ANKRD55: variants seen among roughly 807,000 people sequenced by gnomAD.
The protein encoded by ANKRD55 is ankyrin repeat domain 55.
In ANKRD55, 41 loss-of-function variants were observed where a neutral mutation model predicts 60.6. The observed-to-expected ratio is 0.68, with a 90% CI of 0.53 to 0.88. The LOEUF is 0.88. Among genes scored for constraint, ANKRD55 ranks in the 40% least tolerant of loss-of-function variants. The pLI is 0.00. For missense variants in ANKRD55, 732 were observed against 767.6 expected (o/e 0.95, Z 0.55); for synonymous variants, 264 against 290.3 (o/e 0.91, Z 0.92).
chr5:56,190,822 C>T (rs1759077555), intron 2 of ANKRD55, among the ~76,000 whole-genome samples: 1 of 152,298 alleles, frequency 6.6e-6, no homozygotes, highest in South Asian at 2.1e-4. Flanking sequence ...ATCTAACTCA[C>T]TCCTAATATA....
chr5:56,137,315 C>T (rs1757632829), intron 7 of ANKRD55: 1 of 1,549,922 alleles, frequency 6.5e-7, no homozygotes, highest in African/African-American at 1.4e-5. Flanking sequence ...ATTATCTGGT[C>T]ATTGAGCATA....
At chr5:56,132,926 G>C (rs1050831373) in intron 7 of ANKRD55, among the ~76,000 whole-genome samples, 1 of 152,188 alleles carries the variant, frequency 6.6e-6, no homozygotes, top group African/African-American at 2.4e-5. Flanking sequence ...TAGGGATAAA[G>C]AAGGGTATTA....
chr5:56,177,316 C>G (rs986513621), intron 3 of ANKRD55, among the ~76,000 whole-genome samples: 1 of 152,204 alleles, frequency 6.6e-6, no homozygotes, highest in Middle Eastern at 3.4e-3. Context: ...CAATGAAGTG[C>G]TATGTCTTAA....
chr5:56,208,707 G>A (rs1284822348), intron 2 of ANKRD55, among the ~76,000 whole-genome samples: 1 of 152,150 alleles, frequency 6.6e-6, no homozygotes, highest in Non-Finnish European at 1.5e-5. Context: ...ACAGGCGTGA[G>A]CCACCGCGCC....
intron 2 of ANKRD55, among the ~76,000 whole-genome samples, chr5:56,184,740 A>G (rs1334070555): frequency 6.6e-6 from 1 of 151,982 alleles, no homozygotes; most frequent in Non-Finnish European, 1.5e-5. Flanking sequence ...TCTACAAAAA[A>G]TTTAAAAATT....
intron 6 of ANKRD55, among the ~76,000 whole-genome samples, chr5:56,145,744 G>C (rs62362364): frequency 0.17 from 25,832 of 152,110 alleles, 2,433 homozygotes; most frequent in South Asian, 0.24. Context: ...CCTTCAACCA[G>C]TTCCATATTT....
At chr5:56,103,834 A>C (rs943037207) in intron 10 of ANKRD55, among the ~76,000 whole-genome samples, 2 of 152,228 alleles carry the variant, frequency 1.3e-5, no homozygotes, top group Non-Finnish European at 2.9e-5. Flanking sequence ...AAATAGCATA[A>C]GAAAAAAAGA....
At chr5:56,222,846 G>C (rs1231473451) in intron 2 of ANKRD55, among the ~76,000 whole-genome samples, 1 of 152,194 alleles carries the variant, frequency 6.6e-6, no homozygotes, top group Admixed American at 6.5e-5. Context: ...AGAAATATGG[G>C]ACTATGTGAA....
At chr5:56,102,445 G>C (rs904267374) in intron 11 of ANKRD55, 49 bp downstream of exon 11, 16 of 1,284,244 alleles carry the variant, frequency 1.2e-5, no homozygotes, top group Middle Eastern at 1.9e-4. Flanking sequence ...GTTGTGTCTA[G>C]ATATGTTAAC....
intron 6 of ANKRD55, among the ~76,000 whole-genome samples, chr5:56,149,111 T>C (rs1455613834): frequency 6.6e-6 from 1 of 152,228 alleles, no homozygotes; most frequent in Non-Finnish European, 1.5e-5. Flanking sequence ...AGTACAGTAA[T>C]GAAAGCCATT....
chr5:56,219,757 T>C (rs1420593309), intron 2 of ANKRD55, among the ~76,000 whole-genome samples: 3 of 152,224 alleles, frequency 2.0e-5, no homozygotes, highest in African/African-American at 7.2e-5. Flanking sequence ...AGTGCATCCA[T>C]ACCCTCACCT....
chr5:56,101,406 G>T (rs1029228328), intron 11 of ANKRD55, among the ~76,000 whole-genome samples: 5 of 145,340 alleles, frequency 3.4e-5, no homozygotes, highest in African/African-American at 1.2e-4. Flanking sequence ...CTGTGTGTGT[G>T]TGTGTTTGTC....
At chr5:56,140,603 G>A (rs1757735434) in intron 7 of ANKRD55, among the ~76,000 whole-genome samples, 1 of 152,200 alleles carries the variant, frequency 6.6e-6, no homozygotes, top group Non-Finnish European at 1.5e-5. Flanking sequence ...TAGTGATTGA[G>A]TAAATAAATG....
At chr5:56,226,156 A>G (rs1581034127) in intron 2 of ANKRD55, among the ~76,000 whole-genome samples, 1 of 152,212 alleles carries the variant, frequency 6.6e-6, no homozygotes, top group Non-Finnish European at 1.5e-5. Context: ...AGAACAGAAC[A>G]GAGCCCTCAG....
At chr5:56,198,092 A>T (rs757461272) in intron 2 of ANKRD55, among the ~76,000 whole-genome samples, 25 of 152,116 alleles carry the variant, frequency 1.6e-4, no homozygotes, top group Non-Finnish European at 3.4e-4. Context: ...TTACTCTTAA[A>T]TGCTGCCTTC....
chr5:56,217,632 T>C lies in ANKRD55; in HGVS notation c.58+15224A>G, dbSNP rs113243936. 7.1e-3 allele frequency among the ~76,000 whole-genome samples: 1,088 copies of C among 152,278 alleles called. 7 individuals carry two copies. Among genetic ancestry groups the C allele is most frequent in the Non-Finnish European group, 0.011 (778 of 68,016 alleles). On this transcript the variant is annotated intron_variant, in intron 2 of 11. Transcript: ENST00000341048. Reference sequence around the variant, plus strand: ...AAAAACATTCATGATTCGTGGCTCATGCCTGTAATCCCAGCACTTTGGGAG... The same window carrying C: ...AAAAACATTCATGATTCGTGGCTCACGCCTGTAATCCCAGCACTTTGGGAG...
chr5:56,150,565 C>T (rs1333553958), intron 6 of ANKRD55, among the ~76,000 whole-genome samples: 3 of 152,058 alleles, frequency 2.0e-5, no homozygotes, highest in Admixed American at 6.6e-5. Flanking sequence ...GATTGCACCA[C>T]TGCACTCTGG....
At chr5:56,213,826 T>C (rs1759738546) in intron 2 of ANKRD55, among the ~76,000 whole-genome samples, 1 of 152,236 alleles carries the variant, frequency 6.6e-6, no homozygotes, top group Admixed American at 6.5e-5. Context: ...TTCCTTCTGA[T>C]GTGGTTTACC....
chr5:56,127,285 C>G, intron 7 of ANKRD55, 179 bp from the exon 8 acceptor site: 1 of 985,284 alleles, frequency 1.0e-6, no homozygotes, highest in Non-Finnish European at 1.2e-6. Context: ...AGCTCTCCAA[C>G]AAGTGTCCAC....
Sources: allele counts gnomAD v4.1 joint callset (sites outside exome capture counted in the v4.1 genomes callset), GRCh38; gene constraint gnomAD v4.1.1; transcripts MANE v1.5; gene names NCBI Gene and HGNC (gene_info 2026-07-23, HGNC 2026-07-21).